CSGALNACT1: variants seen among roughly 807,000 people sequenced by gnomAD.
CSGALNACT1 encodes the protein beta4GalNAcT-1.
In CSGALNACT1, 52 loss-of-function variants were observed where a neutral mutation model predicts 51.0. The observed-to-expected ratio is 1.02, with a 90% CI of 0.82 to 1.29. CSGALNACT1 has a LOEUF of 1.29. Among genes scored for constraint, CSGALNACT1 ranks in the 50% most tolerant of loss-of-function variants. The probability of loss-of-function intolerance (pLI) is 0.00; values close to 1 mark genes in which losing one functional copy is unlikely to be tolerated. For missense variants in CSGALNACT1, 935 were observed against 679.2 expected, an observed-to-expected ratio of 1.38 and a Z score of -4.19; for synonymous variants, 341 against 254.4, an observed-to-expected ratio of 1.34 and a Z score of -3.24.
intron 3 of CSGALNACT1, among the ~76,000 whole-genome samples, chr8:19,566,842 C>T (rs2042000796): frequency 6.6e-6 from 1 of 152,164 alleles, no homozygotes; most frequent in Non-Finnish European, 1.5e-5. Context: ...AGAGCAAAAG[C>T]AGCCCTTGAT....
intron 1 of CSGALNACT1, among the ~76,000 whole-genome samples, chr8:19,735,300 T>C (rs962922790): frequency 2.0e-5 from 3 of 152,274 alleles, no homozygotes; most frequent in Admixed American, 6.5e-5. Context: ...AAAATTTCCA[T>C]ATCAAAGATT....
At chr8:19,428,869 GTGTGTGTA>G (rs1244935598) in intron 6 of CSGALNACT1, among the ~76,000 whole-genome samples, 5 of 130,176 alleles carry the variant, frequency 3.8e-5, no homozygotes, top group African/African-American at 9.0e-5. Flanking sequence ...GTGTGTGTGT[GTGTGTGTA>G]TGCATGCTGT....
chr8:19,488,296 G>C (rs1163131239), intron 4 of CSGALNACT1, among the ~76,000 whole-genome samples: 1 of 150,434 alleles, frequency 6.6e-6, no homozygotes, highest in Non-Finnish European at 1.5e-5. Flanking sequence ...ATTGCAGTGA[G>C]CTGAGCTCAT....
At chr8:19,631,082 G>A (rs981999882) in intron 1 of CSGALNACT1, among the ~76,000 whole-genome samples, 1 of 152,164 alleles carries the variant, frequency 6.6e-6, no homozygotes, top group African/African-American at 2.4e-5. Context: ...CCACACCACT[G>A]TTGGTCTATC....
intron 1 of CSGALNACT1, among the ~76,000 whole-genome samples, chr8:19,744,107 T>C (rs1407146994): frequency 1.3e-5 from 2 of 152,206 alleles, no homozygotes; most frequent in African/African-American, 4.8e-5. Context: ...ATTTAACAAG[T>C]ATAATGGTGC....
At position 19,680,695 on chromosome 8, in the gene CSGALNACT1, C is replaced by T. The variant is rs112850857; in HGVS notation, c.-544+1778G>A. On this transcript the variant is annotated intron_variant, in intron 1 of 9. Coordinates refer to the CSGALNACT1 transcript ENST00000332246. Reference sequence around the variant, plus strand: ...GAGGTGATTTAAAGTAGTCATGTGTCACCGAATGACTGTGATAGGTCTGAG... The same window carrying T: ...GAGGTGATTTAAAGTAGTCATGTGTTACCGAATGACTGTGATAGGTCTGAG... Among the ~76,000 whole-genome samples the T allele has an allele frequency of 1.6e-4, 24 of 152,060 alleles. 2 individuals are homozygous for T. The highest frequency in any genetic ancestry group is 5.8e-4 in the African/African-American group (24 of 41,464).
intron 1 of CSGALNACT1, among the ~76,000 whole-genome samples, chr8:19,740,880 T>C (rs1435624382): frequency 6.6e-6 from 1 of 152,184 alleles, no homozygotes; most frequent in Non-Finnish European, 1.5e-5. Flanking sequence ...TAAGTTAAAA[T>C]GGATGCACAT....
intron 1 of CSGALNACT1, among the ~76,000 whole-genome samples, chr8:19,645,251 G>A (rs917735904): frequency 6.6e-6 from 1 of 152,224 alleles, no homozygotes; most frequent in Non-Finnish European, 1.5e-5. Context: ...AGGGAAAAAT[G>A]AGTAACTTTA....
intron 3 of CSGALNACT1, among the ~76,000 whole-genome samples, chr8:19,564,302 G>C (rs887264672): frequency 6.6e-6 from 1 of 151,760 alleles, no homozygotes; most frequent in Non-Finnish European, 1.5e-5. Context: ...AATCCCTCTG[G>C]GCACAAAACA....
intron 3 of CSGALNACT1, among the ~76,000 whole-genome samples, chr8:19,514,475 C>CTATATATATATATATATATATATATA (rs33928915): frequency 3.8e-5 from 3 of 78,810 alleles, no homozygotes; most frequent in Admixed American, 1.3e-4. Context: ...TGAACAGAGA[C>CTATATATATATATATATATATATATA]TATATATATA....
intron 8 of CSGALNACT1, among the ~76,000 whole-genome samples, chr8:19,413,320 G>T (rs12679671): frequency 0.47 from 70,679 of 151,908 alleles, 17,896 homozygotes; most frequent in East Asian, 0.83. Flanking sequence ...GCCCAGGTGC[G>T]GTCACATAGT....
At chr8:19,644,991 T>C (rs1272292603) in intron 1 of CSGALNACT1, among the ~76,000 whole-genome samples, 1 of 152,078 alleles carries the variant, frequency 6.6e-6, no homozygotes, top group Non-Finnish European at 1.5e-5. Flanking sequence ...AATTTAAGAG[T>C]AAAAATCCAG....
At chr8:19,441,804 T>G (rs904739187) in intron 5 of CSGALNACT1, among the ~76,000 whole-genome samples, 4 of 151,948 alleles carry the variant, frequency 2.6e-5, no homozygotes, top group Admixed American at 6.6e-5. Context: ...GGGAGAAAAT[T>G]TTTGCAACCT....
intron 1 of CSGALNACT1, among the ~76,000 whole-genome samples, chr8:19,674,655 G>A (rs1247896320): frequency 6.6e-6 from 1 of 152,122 alleles, no homozygotes; most frequent in Admixed American, 6.6e-5. Context: ...GAGGGCAGTG[G>A]TGTGAAATAA....
chr8:19,531,684 G>A (rs2082789546), intron 3 of CSGALNACT1: 1 of 152,184 alleles, frequency 6.6e-6, no homozygotes, highest in East Asian at 1.9e-4. Context: ...TATAGCCAAG[G>A]TGAAATTTTT....
intron 1 of CSGALNACT1, among the ~76,000 whole-genome samples, chr8:19,630,868 G>C (rs2055155787): frequency 6.6e-6 from 1 of 152,046 alleles, no homozygotes; most frequent in Non-Finnish European, 1.5e-5. Context: ...AAACTATGGA[G>C]ATTTCCCAGA....
chr8:19,741,509 G>A (rs2064311384), intron 1 of CSGALNACT1, among the ~76,000 whole-genome samples: 1 of 146,996 alleles, frequency 6.8e-6, no homozygotes, highest in African/African-American at 2.5e-5. Flanking sequence ...GTTGCAGTGA[G>A]CCGAGATTGC....
chr8:19,690,841 G>A (rs1267906172), intron 1 of CSGALNACT1, among the ~76,000 whole-genome samples: 1 of 152,196 alleles, frequency 6.6e-6, no homozygotes. Flanking sequence ...TTGTTCAGAT[G>A]TCTGAGATCA....
At chr8:19,524,581 G>T (rs140111386) in intron 3 of CSGALNACT1, among the ~76,000 whole-genome samples, 23 of 152,054 alleles carry the variant, frequency 1.5e-4, no homozygotes, top group African/African-American at 5.1e-4. Flanking sequence ...GAAGAGTTGG[G>T]ATTTTTTTTT....
Sources: allele counts gnomAD v4.1 joint callset (sites outside exome capture counted in the v4.1 genomes callset), GRCh38; gene constraint gnomAD v4.1.1; transcripts MANE v1.5; gene names NCBI Gene and HGNC (gene_info 2026-07-23, HGNC 2026-07-21).